The following POLR1A variants were observed in gnomAD, a reference collection of about 807,000 sequenced individuals.
POLR1A encodes DNA-directed RNA polymerase I subunit RPA1.
POLR1A carries 84 observed loss-of-function variants against 205.3 expected under a neutral mutation model. The observed-to-expected ratio is 0.41, with a 90% CI of 0.34 to 0.49. The LOEUF (loss-of-function observed/expected upper bound fraction) is 0.49. Ranked by LOEUF, POLR1A falls within the 20% of genes least tolerant of loss-of-function variation. POLR1A has a pLI of 0.22. For missense variants in POLR1A, 1,645 were observed against 2,204.5 expected, an observed-to-expected ratio of 0.75 and a Z score of 5.08; for synonymous variants, 799 against 863.7, an observed-to-expected ratio of 0.93 and a Z score of 1.31.
chr2:86,065,205 G>A, intron 14 of POLR1A, 69 bp downstream of exon 14: 1 of 1,377,838 alleles, frequency 7.3e-7, no homozygotes, highest in Non-Finnish European at 1.0e-6. Flanking sequence ...ACTCTTCTGA[G>A]AATAAAACCT....
chr2:86,064,623 C>G (rs1427633703), intron 14 of POLR1A, among the ~76,000 whole-genome samples: 1 of 152,150 alleles, frequency 6.6e-6, no homozygotes, highest in Non-Finnish European at 1.5e-5. Context: ...GTCTAAAGCA[C>G]TCAGCAAACA....
At chr2:86,036,268 T>G (rs1672494736) in intron 27 of POLR1A, among the ~76,000 whole-genome samples, 1 of 152,182 alleles carries the variant, frequency 6.6e-6, no homozygotes, top group Non-Finnish European at 1.5e-5. Flanking sequence ...TTACAGCCCC[T>G]AACTCCTAGC....
At chr2:86,052,725 G>T in intron 16 of POLR1A, 92 bp downstream of exon 16, 2 of 1,052,010 alleles carry the variant, frequency 1.9e-6, no homozygotes, top group Non-Finnish European at 2.7e-6. Flanking sequence ...GAAATCTTCA[G>T]TGTGGACGGC....
chr2:86,049,768 A>T (rs1235129629), intron 16 of POLR1A, among the ~76,000 whole-genome samples: 7 of 152,160 alleles, frequency 4.6e-5, no homozygotes, highest in Admixed American at 4.6e-4. Context: ...AAGGACCACC[A>T]CCACAGGTCC....
At chr2:86,102,122 C>G (rs1005686773) in intron 1 of POLR1A, among the ~76,000 whole-genome samples, 1 of 152,144 alleles carries the variant, frequency 6.6e-6, no homozygotes, top group Non-Finnish European at 1.5e-5. Flanking sequence ...CTCTTTGAGA[C>G]CCTACTTTCA....
rs938824815 is a variant in POLR1A, at chr2:86,020,874, G to A, written c.*6549C>T. On this transcript the variant is annotated 3_prime_UTR_variant, in exon 34 of 34. Transcript: ENST00000263857. ...TGCCCCAAGTTGAGAACCACTTAGT[G>A]TATAGGTAAACATGTATAGTTGTGT... The A allele has an allele frequency of 6.6e-6, 1 of 152,226 alleles. No homozygotes were observed. Among genetic ancestry groups the A allele is most frequent in the African/African-American group, 2.4e-5 (1 of 41,452 alleles). The allele number at this position is 152,226 out of a possible 1,614,324, so 9.4% of individuals were successfully genotyped here.
At chr2:86,069,952 G>A (rs1673146568) in intron 13 of POLR1A, 66 bp downstream of exon 13, 2 of 1,538,384 alleles carry the variant, frequency 1.3e-6, no homozygotes, top group East Asian at 2.3e-5. Context: ...GGGCTGGCAG[G>A]GCCCAACTTA....
intron 1 of POLR1A, 94 bp downstream of exon 1, chr2:86,105,606 G>A (rs1306253833): frequency 2.5e-6 from 2 of 792,176 alleles, no homozygotes; most frequent in Non-Finnish European, 4.3e-6. Flanking sequence ...CTGGACTCAA[G>A]AGGATAGACT....
chr2:86,060,501 A>G (rs531786259), intron 14 of POLR1A, among the ~76,000 whole-genome samples: 1 of 152,336 alleles, frequency 6.6e-6, no homozygotes, highest in African/African-American at 2.4e-5. Flanking sequence ...TGTTGGTGCA[A>G]TGGAAACAAA....
Position 86,030,182 on chromosome 2 carries a change from A to G in POLR1A, c.4779+14T>C. 13 of 1,609,402 alleles carry G rather than the reference A, an allele frequency of 8.1e-6. No homozygotes were observed. Among genetic ancestry groups the G allele is most frequent in the Non-Finnish European group, 1.1e-5 (13 of 1,175,652 alleles). The stretch of plus-strand genomic sequence containing the variant: ...CTAATGCTTTGTCCCAGGCCAGCAG[A>G]CAGCCTGTCTTACCTCTGCATACTT... On this transcript the variant is annotated intron_variant, in intron 31 of 33. Transcript: ENST00000263857.
At chr2:86,033,840 C>T (rs1573802211) in intron 27 of POLR1A, 53 bp from the exon 28 acceptor site, 2 of 1,601,622 alleles carry the variant, frequency 1.2e-6, no homozygotes, top group East Asian at 2.2e-5. Flanking sequence ...ATGTCCAGCC[C>T]TACCCTCATT....
At chr2:86,084,459 A>T (rs1673464459) in intron 6 of POLR1A, among the ~76,000 whole-genome samples, 1 of 151,796 alleles carries the variant, frequency 6.6e-6, no homozygotes, top group Non-Finnish European at 1.5e-5. Flanking sequence ...AACCCCAAAA[A>T]GCTTTTCTGG....
At position 86,065,404 on chromosome 2, in the gene POLR1A, G is replaced by A. The variant is rs1430852932; in HGVS notation, c.1928C>T (p.Thr643Ile). 6.2e-7 allele frequency: 1 copy of A among 1,614,178 alleles called. No homozygotes were observed. The highest frequency in any genetic ancestry group is 1.7e-5 in the Admixed American group (1 of 60,024). The change falls in exon 14 of 34, where the codon ACT (threonine) becomes ATT (isoleucine). Residue 643 changes from threonine to isoleucine, a missense_variant. This residue lies in a region of POLR1A where 339 missense variants were observed against 415.1 expected (regional missense o/e 0.82). Transcript: ENST00000263857. ...DHMVSGASMT[T>I]RGCFFTREHY... ...CTCCCGGGTGAAAAAGCAACCCCGAGTAGTCATGCTTGCCCCTGAAACCAT... is the reference window on the plus strand; with the variant it reads ...CTCCCGGGTGAAAAAGCAACCCCGAATAGTCATGCTTGCCCCTGAAACCAT...
intron 3 of POLR1A, among the ~76,000 whole-genome samples, chr2:86,097,214 C>CAAAAAAAAAAAAAAA (rs757210116): frequency 0.02 from 806 of 39,704 alleles, 299 homozygotes; most frequent in Middle Eastern, 0.11. Context: ...CCCCAAAAGA[C>CAAAAAAAAAAAAAAA]AAAAAAAAAA....
rs756834259 is a variant in POLR1A, at chr2:86,025,600, G to C, written c.*1823C>G. The C allele has an allele frequency of 6.6e-6, 1 of 152,308 alleles. No individual in the cohort carries two copies. Among genetic ancestry groups the C allele is most frequent in the African/African-American group, 2.4e-5 (1 of 41,474 alleles). 9.4% of individuals were successfully genotyped at this position (152,308 alleles called of 1,614,324 possible). A position where few individuals can be genotyped will look rare whatever the true frequency, so the allele number is the denominator to read the frequency against. On this transcript the variant is annotated 3_prime_UTR_variant, in exon 34 of 34. Coordinates refer to ENST00000263857, the MANE Select transcript of POLR1A (RefSeq NM_015425.6). ...CCTCACATCCCAACACAGGTCGGGG[G>C]TCTGATCTAAGTGCGATGGTCACAG...
intron 1 of POLR1A, among the ~76,000 whole-genome samples, chr2:86,103,881 G>A (rs1673868739): frequency 2.0e-5 from 3 of 152,194 alleles, no homozygotes; most frequent in South Asian, 4.1e-4. Context: ...GGGGACAGAG[G>A]GAAGTACCTC....
At chr2:86,097,984 A>G (rs1673737939) in intron 3 of POLR1A, among the ~76,000 whole-genome samples, 1 of 152,204 alleles carries the variant, frequency 6.6e-6, no homozygotes, top group Non-Finnish European at 1.5e-5. Context: ...TCACACCATC[A>G]CTATGTACCC....
intron 12 of POLR1A, among the ~76,000 whole-genome samples, chr2:86,071,742 G>A (rs143541050): frequency 3.7e-4 from 56 of 152,108 alleles, no homozygotes; most frequent in African/African-American, 9.9e-4. Flanking sequence ...TTCCTGTACC[G>A]CCTATTAAGA....
At chr2:86,086,165 T>C (rs1031603320) in intron 6 of POLR1A, among the ~76,000 whole-genome samples, 5 of 152,034 alleles carry the variant, frequency 3.3e-5, no homozygotes, top group African/African-American at 9.7e-5. Flanking sequence ...TTCAAGCGAT[T>C]CTCCTGTCTC....
Sources: gnomAD v4.1 joint callset for allele counts (sites outside exome capture counted in the v4.1 genomes callset) on GRCh38, gnomAD v4.1.1 for gene constraint, gnomAD v4.1.1 regional missense constraint, MANE v1.5 for transcripts, NCBI Gene and HGNC (gene_info 2026-07-23, HGNC 2026-07-21) for gene names.